The following POC1B variants were observed in gnomAD, a reference collection of about 807,000 sequenced individuals.
POC1B encodes the protein POC1 centriolar protein homolog B.
In POC1B, 44 loss-of-function variants were observed where a neutral mutation model predicts 60.6. The observed-to-expected ratio is 0.73, with a 90% confidence interval of 0.57 to 0.93. POC1B has a LOEUF of 0.93. Among genes scored for constraint, POC1B ranks in the 40% least tolerant of loss-of-function variants. POC1B has a pLI of 0.00. For synonymous variants in POC1B, 180 were observed against 198.9 expected (o/e 0.90, Z 0.80); for missense variants, 555 against 572.3 (o/e 0.97, Z 0.31).
chr12:89,494,651 C>G (rs144495250), intron 3 of POC1B, among the ~76,000 whole-genome samples: 1 of 152,128 alleles, frequency 6.6e-6, no homozygotes, highest in Admixed American at 6.5e-5. Flanking sequence ...AGGAACAGAA[C>G]GTGGCAGAAG....
At chr12:89,407,662 A>G in the POC1B span, among the ~76,000 whole-genome samples, 1 of 152,168 alleles carries the variant, frequency 6.6e-6, no homozygotes, top group Non-Finnish European at 1.5e-5. Flanking sequence ...CCAGGAGCCA[A>G]CTTGATCAAC....
Position 89,425,157 on chromosome 12 carries a change from C to T in POC1B, c.1332+4G>A. 1.2e-6 allele frequency: 2 copies of T among 1,613,632 alleles called. No individual in the cohort carries two copies. The highest frequency in any genetic ancestry group is 1.1e-5 in the South Asian group (1 of 91,056). ...GCAACTCATGCAACCTGTGTCATGCCCACCTGTGTCAAAACATTGAGTTGT... is the reference window on the plus strand; with the variant it reads ...GCAACTCATGCAACCTGTGTCATGCTCACCTGTGTCAAAACATTGAGTTGT... On this transcript the variant is annotated splice_donor_region_variant and intron_variant, in intron 11 of 11. Coordinates refer to ENST00000313546, the MANE Select transcript of POC1B (RefSeq NM_172240.3).
intron 7 of POC1B, among the ~76,000 whole-genome samples, chr12:89,468,689 C>G (rs1036561945): frequency 5.9e-5 from 9 of 151,716 alleles, no homozygotes; most frequent in Non-Finnish European, 7.4e-5. Flanking sequence ...GTTTATTCAG[C>G]CTAAATCCAT....
Position 89,491,871 on chromosome 12 carries a change from G to T in POC1B, c.452+65C>A, listed in dbSNP as rs79970955. The T allele has an allele frequency of 0.032, 42,813 of 1,334,102 alleles. 3,487 individuals carry two copies. In the East Asian group the frequency reaches 0.36, roughly 11 times the overall value. The allele number at this position is 1,334,102 out of a possible 1,614,324, so 82.6% of individuals were successfully genotyped here. On this transcript the variant is annotated intron_variant, in intron 4 of 11. Transcript: ENST00000313546. ...ATGTCCTCAAACCCTTTTTCTGGAA[G>T]TTGGGGGCAAACATGAAGCAGAAAA...
At chr12:89,458,074 C>G (rs957489101) in intron 10 of POC1B, among the ~76,000 whole-genome samples, 13 of 152,122 alleles carry the variant, frequency 8.5e-5, no homozygotes, top group African/African-American at 3.1e-4. Flanking sequence ...TTGAAGGGTA[C>G]TGGGAGAGAC....
chr12:89,488,545 T>C (rs1395108189), intron 4 of POC1B, among the ~76,000 whole-genome samples: 1 of 152,148 alleles, frequency 6.6e-6, no homozygotes, highest in Non-Finnish European at 1.5e-5. Context: ...TGGAGTGAAG[T>C]GGCACAATCT....
intron 10 of POC1B, among the ~76,000 whole-genome samples, chr12:89,430,711 G>T (rs1331277434): frequency 6.6e-6 from 1 of 151,944 alleles, no homozygotes; most frequent in Non-Finnish European, 1.5e-5. Context: ...TATTATATTT[G>T]TGTTTACATA....
intron 4 of POC1B, chr12:89,485,465 C>T (rs1868583280): frequency 6.6e-6 from 1 of 152,192 alleles, no homozygotes; most frequent in Non-Finnish European, 1.5e-5. Context: ...ATTTAACCAA[C>T]TTATTCATCA....
chr12:89,487,290 G>A (rs1041976070), intron 4 of POC1B, among the ~76,000 whole-genome samples: 1 of 152,210 alleles, frequency 6.6e-6, no homozygotes, highest in Non-Finnish European at 1.5e-5. Flanking sequence ...GGGGCAAGCT[G>A]GTTCCTCAGG....
At chr12:89,489,203 C>T (rs747777579) in intron 4 of POC1B, among the ~76,000 whole-genome samples, 2 of 152,114 alleles carry the variant, frequency 1.3e-5, no homozygotes, top group Admixed American at 6.5e-5. Flanking sequence ...TGAGGTGCAC[C>T]GTTCTAAGTG....
At chr12:89,511,888 TACTA>T (rs1251239207) in intron 2 of POC1B, among the ~76,000 whole-genome samples, 1 of 152,062 alleles carries the variant, frequency 6.6e-6, no homozygotes, top group Non-Finnish European at 1.5e-5. Context: ...ACCCTGTCTC[TACTA>T]AAAATACAAA....
chr12:89,483,333 T>A (rs958180357), intron 4 of POC1B, among the ~76,000 whole-genome samples: 1 of 152,182 alleles, frequency 6.6e-6, no homozygotes, highest in Non-Finnish European at 1.5e-5. Context: ...AATTTGTAAG[T>A]TTCCTGAGGC....
intron 10 of POC1B, among the ~76,000 whole-genome samples, chr12:89,454,048 T>A (rs1247824857): frequency 2.0e-5 from 3 of 152,210 alleles, no homozygotes; most frequent in Non-Finnish European, 2.9e-5. Flanking sequence ...GGGAGTGTGC[T>A]TCCCAAAGTC....
intron 10 of POC1B, among the ~76,000 whole-genome samples, chr12:89,455,206 G>T (rs1404371934): frequency 6.6e-6 from 1 of 152,084 alleles, no homozygotes; most frequent in Non-Finnish European, 1.5e-5. Flanking sequence ...ATGATGGCAG[G>T]AGCCTGTAAT....
At chr12:89,439,695 C>T (rs898071599) in intron 10 of POC1B, among the ~76,000 whole-genome samples, 3 of 152,202 alleles carry the variant, frequency 2.0e-5, no homozygotes, top group Non-Finnish European at 4.4e-5. Flanking sequence ...ACTCTGCCTC[C>T]TGGGTTCAAG....
At chr12:89,458,128 A>G (rs1020949573) in intron 10 of POC1B, among the ~76,000 whole-genome samples, 2 of 152,166 alleles carry the variant, frequency 1.3e-5, no homozygotes, top group African/African-American at 4.8e-5. Flanking sequence ...ATGATCTATG[A>G]TATTTTCTAG....
intron 2 of POC1B, among the ~76,000 whole-genome samples, chr12:89,517,054 G>A (rs925137685): frequency 3.3e-5 from 5 of 152,062 alleles, no homozygotes; most frequent in Admixed American, 2.6e-4. Context: ...TGTTTTGGAG[G>A]GCCACCATTT....
chr12:89,439,293 G>A (rs1312341501), intron 10 of POC1B, among the ~76,000 whole-genome samples: 1 of 152,102 alleles, frequency 6.6e-6, no homozygotes, highest in African/African-American at 2.4e-5. Flanking sequence ...CTGGGTCCCA[G>A]ACTTTTTTTT....
downstream of POC1B, among the ~76,000 whole-genome samples, chr12:89,419,530 T>C (rs770369): frequency 0.4 from 60,322 of 151,880 alleles, 12,272 homozygotes; most frequent in Admixed American, 0.47. Context: ...GCATCACCTA[T>C]GAGATTGTTA....
Sources: gnomAD v4.1 joint callset for allele counts (sites outside exome capture counted in the v4.1 genomes callset) on GRCh38, gnomAD v4.1.1 for gene constraint, MANE v1.5 for transcripts, NCBI Gene and HGNC (gene_info 2026-07-23, HGNC 2026-07-21) for gene names.